Variants in DLGAP1 observed in about 807,000 individuals in gnomAD.
DLGAP1 encodes disks large-associated protein 1.
In DLGAP1, 11 loss-of-function variants were observed where a neutral mutation model predicts 90.8. The observed-to-expected ratio is 0.12, with a 90% CI of 0.08 to 0.20. The LOEUF is 0.20. DLGAP1 is among the 10% of genes least tolerant of loss of function. The probability of loss-of-function intolerance (pLI) is 1.00; values close to 1 mark genes in which losing one functional copy is unlikely to be tolerated. For synonymous variants in DLGAP1, 558 were observed against 540.7 expected, an observed-to-expected ratio of 1.03 and a Z score of -0.44; for missense variants, 1,050 against 1,333.8, an observed-to-expected ratio of 0.79 and a Z score of 3.31.
chr18:3,946,287 A>G (rs2072877066), intron 3 of DLGAP1, among the ~76,000 whole-genome samples: 3 of 152,166 alleles, frequency 2.0e-5, no homozygotes, highest in Admixed American at 2.0e-4. Context: ...CCAGTCTGAC[A>G]ATGTGGTGGA....
intron 5 of DLGAP1, among the ~76,000 whole-genome samples, chr18:3,772,039 G>C (rs2064580631): frequency 6.6e-6 from 1 of 152,162 alleles, no homozygotes; most frequent in Admixed American, 6.5e-5. Context: ...TGCAATATTT[G>C]ACTATTTTAT....
At chr18:4,099,262 GTCTGTCTGTCTA>G (rs1438864715) in intron 2 of DLGAP1, among the ~76,000 whole-genome samples, 5 of 146,560 alleles carry the variant, frequency 3.4e-5, no homozygotes, top group East Asian at 2.1e-4. Flanking sequence ...CTGTCTGTCT[GTCTGTCTGTCTA>G]TCTATCTATC....
chr18:3,550,517 C>T (rs2053328111), intron 9 of DLGAP1, among the ~76,000 whole-genome samples: 1 of 152,244 alleles, frequency 6.6e-6, no homozygotes, highest in Non-Finnish European at 1.5e-5. Flanking sequence ...TGAACCACTG[C>T]ACCTGGCCTT....
At chr18:3,584,360 G>A (rs544131097) in intron 7 of DLGAP1, among the ~76,000 whole-genome samples, 1 of 147,012 alleles carries the variant, frequency 6.8e-6, no homozygotes, top group South Asian at 2.3e-4. Context: ...TACAGTTCCA[G>A]CTGCCAACTC....
At position 4,276,403 on chromosome 18, in the gene DLGAP1, A is replaced by T. The variant is rs1395168481; in HGVS notation, c.-266-125116T>A. ...GTAACCCCAGCACTTTGGGAGGCTG[A>T]GGCAGGCGGATCACTCGAGGTCAGG... On this transcript the variant is annotated intron_variant, in intron 1 of 12. Transcript: ENST00000315677. Among the ~76,000 whole-genome samples, 5 of 152,228 alleles carry T rather than the reference A, an allele frequency of 3.3e-5. No homozygotes were observed. The East Asian group carries it at 7.7e-4, about 24-fold the overall frequency.
At chr18:4,063,454 C>A (rs1413514603) in intron 2 of DLGAP1, among the ~76,000 whole-genome samples, 1 of 151,962 alleles carries the variant, frequency 6.6e-6, no homozygotes, top group Non-Finnish European at 1.5e-5. Flanking sequence ...ATATTTTACC[C>A]CAAAATATAT....
chr18:3,508,592 C>G lies in DLGAP1; in HGVS notation c.2549G>C (p.Arg850Thr), dbSNP rs2050370540. 1 of 1,613,682 alleles carries G rather than the reference C, an allele frequency of 6.2e-7. No homozygotes were observed. The highest frequency in any genetic ancestry group is 1.3e-5 in the African/African-American group (1 of 74,912). Residue 850 changes from arginine to threonine, a missense_variant, in exon 11 of 13, where the codon AGA (arginine) becomes ACA (threonine). By Grantham distance (71) the Arg-to-Thr change is moderately conservative. This residue lies in a region of DLGAP1 where 565 missense variants were observed against 879.7 expected (regional missense o/e 0.64). Coordinates refer to ENST00000315677, the MANE Select transcript of DLGAP1 (RefSeq NM_004746.4). ...LLMAQKFYQF[R>T]ELCEENLNPN... Reference sequence around the variant, plus strand: ...TACCAGGTTTTCTTCACACAGTTCTCTGAACTGGTAGAATTTCTGGGCCAT... The same window carrying G: ...TACCAGGTTTTCTTCACACAGTTCTGTGAACTGGTAGAATTTCTGGGCCAT...
chr18:3,708,820 A>T (rs983015488), intron 7 of DLGAP1, among the ~76,000 whole-genome samples: 1 of 152,208 alleles, frequency 6.6e-6, no homozygotes, highest in African/African-American at 2.4e-5. Flanking sequence ...TGTGACTCAG[A>T]TATGACTTTC....
intron 7 of DLGAP1, chr18:3,708,205 C>T: frequency 5.8e-6 from 2 of 347,616 alleles, no homozygotes; most frequent in South Asian, 2.2e-5. Context: ...CGGGATTTCA[C>T]CATGTTGGCC....
intron 11 of DLGAP1, 73 bp downstream of exon 11, chr18:3,508,497 G>T: frequency 1.8e-6 from 2 of 1,100,634 alleles, no homozygotes; most frequent in Non-Finnish European, 1.3e-6. Flanking sequence ...TTTTACTTTA[G>T]TTGGGCCAGT....
chr18:4,441,986 A>C (rs567915981), intron 1 of DLGAP1, among the ~76,000 whole-genome samples: 1 of 151,800 alleles, frequency 6.6e-6, no homozygotes, highest in Non-Finnish European at 1.5e-5. Context: ...CCATCATATC[A>C]CTTTTTTGTT....
At chr18:3,740,953 TCACCACCAC>T (rs1329986957) in intron 6 of DLGAP1, among the ~76,000 whole-genome samples, 2 of 96,070 alleles carry the variant, frequency 2.1e-5, no homozygotes, top group Non-Finnish European at 4.2e-5. Flanking sequence ...GCCACCACTG[TCACCACCAC>T]CACCACCATC....
intron 1 of DLGAP1, chr18:4,295,186 T>G (rs896827731): frequency 2.6e-5 from 4 of 152,216 alleles, no homozygotes; most frequent in Admixed American, 2.0e-4. Context: ...GTCTCCTTTC[T>G]GCATCATAAA....
intron 3 of DLGAP1, among the ~76,000 whole-genome samples, chr18:3,990,056 A>T (rs1280364211): frequency 6.6e-6 from 1 of 152,192 alleles, no homozygotes; most frequent in Non-Finnish European, 1.5e-5. Context: ...TAGTTCAACC[A>T]TTGTGGAAGT....
In DLGAP1 at chr18:3,526,129, G is replaced by A. The variant is rs974605475; in HGVS notation, c.2479+8065C>T. ...AAGTATGTGTGTCTGTGTGTGTGGT[G>A]GAGTGGGAGGGACCTTTTGAGGGTT... On this transcript the variant is annotated intron_variant, in intron 10 of 12. Coordinates refer to ENST00000315677, the MANE Select transcript of DLGAP1 (RefSeq NM_004746.4). The surrounding 1 kb of genome is among the most constrained non-coding windows in gnomAD (Gnocchi z 4.7). Among the ~76,000 whole-genome samples the A allele has an allele frequency of 2.0e-5, 3 of 152,186 alleles. No homozygotes were observed. Among genetic ancestry groups the A allele is most frequent in the Non-Finnish European group, 4.4e-5 (3 of 68,034 alleles).
At chr18:4,184,895 T>C (rs1308579534) in intron 1 of DLGAP1, among the ~76,000 whole-genome samples, 1 of 152,114 alleles carries the variant, frequency 6.6e-6, no homozygotes, top group African/African-American at 2.4e-5. Context: ...TGTCCTGCAC[T>C]GTCACTCAGA....
At chr18:3,733,581 T>A (rs891279851) in intron 6 of DLGAP1, among the ~76,000 whole-genome samples, 1 of 152,182 alleles carries the variant, frequency 6.6e-6, no homozygotes, top group Non-Finnish European at 1.5e-5. Context: ...CATTTTTGAC[T>A]TAAGGTATTT....
intron 2 of DLGAP1, among the ~76,000 whole-genome samples, chr18:4,048,602 A>G (rs1439888522): frequency 2.0e-5 from 3 of 152,224 alleles, no homozygotes; most frequent in Non-Finnish European, 4.4e-5. Flanking sequence ...CAATGTCGAT[A>G]GACTGAGAGA....
intron 1 of DLGAP1, among the ~76,000 whole-genome samples, chr18:4,426,546 C>T (rs985610721): frequency 1.3e-5 from 2 of 152,168 alleles, no homozygotes; most frequent in Non-Finnish European, 2.9e-5. Context: ...GGTCAGGAGC[C>T]AGACATCTTG....
Sources: allele counts gnomAD v4.1 joint callset (sites outside exome capture counted in the v4.1 genomes callset), GRCh38; gene constraint gnomAD v4.1.1; regional missense constraint gnomAD v4.1.1; non-coding constraint Gnocchi (gnomAD v3.1); transcripts MANE v1.5; gene names NCBI Gene and HGNC (gene_info 2026-07-23, HGNC 2026-07-21).